MEGF11: variants seen among roughly 807,000 people sequenced by gnomAD.
MEGF11 encodes the protein multiple epidermal growth factor-like domains protein 11.
MEGF11 carries 126 observed loss-of-function variants against 146.6 expected under a neutral mutation model. That is an observed-to-expected ratio of 0.86 (90% CI 0.74 to 1.00). MEGF11 has a LOEUF of 1.00. Among genes scored for constraint, MEGF11 ranks in the 50% least tolerant of loss-of-function variants. MEGF11 has a pLI of 0.00. For missense variants in MEGF11, 1,509 were observed against 1,521.2 expected, an observed-to-expected ratio of 0.99 and a Z score of 0.13; for synonymous variants, 532 against 583.4, an observed-to-expected ratio of 0.91 and a Z score of 1.27.
intron 5 of MEGF11, among the ~76,000 whole-genome samples, chr15:65,984,353 T>C (rs8024980): frequency 0.35 from 52,931 of 151,134 alleles, 9,500 homozygotes; most frequent in East Asian, 0.63. Context: ...CGGTGAAACC[T>C]CATCTCTACT....
intron 1 of MEGF11, among the ~76,000 whole-genome samples, chr15:66,237,108 C>A (rs1435734458): frequency 6.6e-6 from 1 of 152,192 alleles, no homozygotes; most frequent in Non-Finnish European, 1.5e-5. Flanking sequence ...TGTGTCTGTC[C>A]ATTTCCACCA....
At chr15:66,115,536 T>C (rs1036286816) in intron 4 of MEGF11, among the ~76,000 whole-genome samples, 1 of 152,170 alleles carries the variant, frequency 6.6e-6, no homozygotes, top group Admixed American at 6.5e-5. Flanking sequence ...AGATTTCCTA[T>C]GTTAAAGTCT....
At chr15:66,168,402 A>G (rs2090157280) in intron 1 of MEGF11, among the ~76,000 whole-genome samples, 1 of 152,034 alleles carries the variant, frequency 6.6e-6, no homozygotes, top group Admixed American at 6.5e-5. Flanking sequence ...CAGAACACCC[A>G]CAGTTGTGTG....
At chr15:66,243,205 G>C (rs188311620) in intron 1 of MEGF11, among the ~76,000 whole-genome samples, 19 of 152,338 alleles carry the variant, frequency 1.2e-4, no homozygotes, top group Non-Finnish European at 1.9e-4. Context: ...GCTGATTCCT[G>C]AGGCTGCTGC....
chr15:66,053,323 G>A (rs982073849), intron 5 of MEGF11, among the ~76,000 whole-genome samples: 1 of 152,118 alleles, frequency 6.6e-6, no homozygotes, highest in Non-Finnish European at 1.5e-5. Flanking sequence ...AACACTAGAC[G>A]AGGAGATGGG....
chr15:66,118,722 C>T (rs1429896777), intron 4 of MEGF11, among the ~76,000 whole-genome samples: 1 of 152,182 alleles, frequency 6.6e-6, no homozygotes, highest in African/African-American at 2.4e-5. Flanking sequence ...TCCAGCAAAG[C>T]TGTCTTGAGC....
chr15:65,928,158 T>C (rs1255948851), intron 13 of MEGF11, among the ~76,000 whole-genome samples: 1 of 152,186 alleles, frequency 6.6e-6, no homozygotes, highest in East Asian at 1.9e-4. Context: ...ATTCTCTAGA[T>C]TGAGCACTTA....
At chr15:66,150,615 T>TGGAAGGAAGGAA (rs139546795) in intron 1 of MEGF11, among the ~76,000 whole-genome samples, 20,054 of 146,306 alleles carry the variant, frequency 0.14, 1,611 homozygotes, top group South Asian at 0.2. Flanking sequence ...GACTTATTAG[T>TGGAAGGAAGGAA]GGAAGGAAGG....
In MEGF11 at chr15:66,089,272, T is replaced by G. The variant is rs1011627315; in HGVS notation, c.394+5130A>C. Among the ~76,000 whole-genome samples, 7 of 152,206 alleles carry G rather than the reference T, an allele frequency of 4.6e-5. 1 individual carries two copies. In the South Asian group the frequency reaches 1.4e-3, roughly 32 times the overall value. ...CTTCATCACTCAGGCCTCTCTGTAG[T>G]CCTGCCTTGTGCCCAGTGTCTGGGG... On this transcript the variant is annotated intron_variant, in intron 5 of 25. Coordinates refer to ENST00000395614, the MANE Select transcript of MEGF11 (RefSeq NM_001385028.1).
At chr15:66,008,411 G>GCGCGCACACACA (rs1188469509) in intron 5 of MEGF11, among the ~76,000 whole-genome samples, 1 of 52,058 alleles carries the variant, frequency 1.9e-5, no homozygotes, top group Non-Finnish European at 4.7e-5. Context: ...ACGCGCGCGC[G>GCGCGCACACACA]CACACACACA....
chr15:66,210,952 G>T (rs1042923659), intron 1 of MEGF11, among the ~76,000 whole-genome samples: 2 of 152,226 alleles, frequency 1.3e-5, no homozygotes, highest in Non-Finnish European at 2.9e-5. Context: ...AGTCAAGGAT[G>T]AATTTAGAGT....
At chr15:66,068,755 G>A (rs2140456665) in intron 5 of MEGF11, among the ~76,000 whole-genome samples, 1 of 152,342 alleles carries the variant, frequency 6.6e-6, no homozygotes, top group Non-Finnish European at 1.5e-5. Context: ...ATCAGGGGAG[G>A]TCATACTGAA....
chr15:65,955,793 T>TATATATATAC (rs1555455862), intron 10 of MEGF11, among the ~76,000 whole-genome samples: 1 of 6,780 alleles, frequency 1.5e-4, no homozygotes. Flanking sequence ...TATATATATA[T>TATATATATAC]ACACACACAC....
intron 10 of MEGF11, among the ~76,000 whole-genome samples, chr15:65,933,923 A>G (rs2079668075): frequency 6.6e-6 from 1 of 152,254 alleles, no homozygotes; most frequent in Non-Finnish European, 1.5e-5. Flanking sequence ...CAGTTAGAAT[A>G]GTGCCTGATG....
chr15:65,970,915 T>G, intron 7 of MEGF11: 2 of 575,028 alleles, frequency 3.5e-6, no homozygotes, highest in East Asian at 5.8e-5. Flanking sequence ...GCCTATTGTA[T>G]ACGAGGTGCT....
intron 14 of MEGF11, 90 bp from the exon 15 acceptor site, chr15:65,922,562 G>A: frequency 6.9e-7 from 1 of 1,448,912 alleles, no homozygotes; most frequent in Non-Finnish European, 9.1e-7. Flanking sequence ...CAGAAACATG[G>A]GGAGACCTGC....
At chr15:66,154,787 T>C (rs985149385) in intron 1 of MEGF11, among the ~76,000 whole-genome samples, 1 of 152,088 alleles carries the variant, frequency 6.6e-6, no homozygotes, top group South Asian at 2.1e-4. Context: ...AGGTAACCTT[T>C]TCAGTTGATG....
rs540930172 is a variant in MEGF11 at position 66,167,084 on chromosome 15, C to G, written c.-8-38673G>C. 2.0e-5 allele frequency among the ~76,000 whole-genome samples: 3 copies of G among 152,130 alleles called. No homozygotes were observed. The South Asian group carries it at 6.2e-4, about 31-fold the overall frequency. On this transcript the variant is annotated intron_variant, in intron 1 of 25. Coordinates refer to ENST00000395614, the MANE Select transcript of MEGF11 (RefSeq NM_001385028.1). ...CCTCACCTGAACGCTGACTTACAGC[C>G]CTGCCTTTCATAGACACATGGCTCC...
intron 1 of MEGF11, among the ~76,000 whole-genome samples, chr15:66,169,145 G>T (rs1336652581): frequency 6.6e-6 from 1 of 152,246 alleles, no homozygotes; most frequent in African/African-American, 2.4e-5. Context: ...ACCCCAGGCA[G>T]CTTCTGTTCA....
Sources: gnomAD v4.1 joint callset for allele counts (sites outside exome capture counted in the v4.1 genomes callset) on GRCh38, gnomAD v4.1.1 for gene constraint, MANE v1.5 for transcripts, NCBI Gene and HGNC (gene_info 2026-07-23, HGNC 2026-07-21) for gene names.